Variants in EFNA5 observed in about 807,000 individuals in gnomAD.
EFNA5 encodes ephrin-A5.
Under a neutral mutation model 22.9 loss-of-function variants are expected in EFNA5, and 5 were observed. That is an observed-to-expected ratio of 0.22 (90% CI 0.11 to 0.46). The LOEUF (loss-of-function observed/expected upper bound fraction) is 0.46, where lower values mean the gene tolerates loss of function less well. Ranked by LOEUF, EFNA5 falls within the 20% of genes least tolerant of loss-of-function variation. The pLI is 0.99. For synonymous variants in EFNA5, 113 were observed against 112.2 expected (o/e 1.01, Z -0.04); for missense variants, 237 against 293.3 (o/e 0.81, Z 1.40).
At chr5:107,392,309 G>C (rs777090789) in intron 2 of EFNA5, among the ~76,000 whole-genome samples, 21 of 152,258 alleles carry the variant, frequency 1.4e-4, no homozygotes, top group South Asian at 6.2e-4. Context: ...ATGTCATTCT[G>C]ATTGTTACAA....
intron 1 of EFNA5, among the ~76,000 whole-genome samples, chr5:107,612,110 C>A (rs1749828489): frequency 6.6e-6 from 1 of 152,050 alleles, no homozygotes; most frequent in Admixed American, 6.6e-5. Context: ...TAAATTCTAC[C>A]ATGTCTCAAA....
chr5:107,451,085 T>C (rs567732025), intron 1 of EFNA5, among the ~76,000 whole-genome samples: 2 of 152,350 alleles, frequency 1.3e-5, no homozygotes, highest in Admixed American at 6.5e-5. Flanking sequence ...AAATATAGTT[T>C]ATTAGACTAT....
At chr5:107,606,196 T>C (rs1194060566) in intron 1 of EFNA5, among the ~76,000 whole-genome samples, 2 of 152,206 alleles carry the variant, frequency 1.3e-5, no homozygotes, top group Non-Finnish European at 2.9e-5. Flanking sequence ...CACTTTTTAC[T>C]TGACTTTTTT....
chr5:107,429,116 C>T (rs937773253), intron 1 of EFNA5, among the ~76,000 whole-genome samples: 2 of 152,076 alleles, frequency 1.3e-5, no homozygotes, highest in Non-Finnish European at 2.9e-5. Flanking sequence ...CGACCTCTGA[C>T]AGTTTGTGAC....
intron 1 of EFNA5, among the ~76,000 whole-genome samples, chr5:107,465,692 A>T (rs145204214): frequency 6.6e-6 from 1 of 152,252 alleles, no homozygotes; most frequent in East Asian, 1.9e-4. Flanking sequence ...AATCATGGTG[A>T]CAGTCTTTGT....
At chr5:107,582,771 G>T (rs928619448) in intron 1 of EFNA5, among the ~76,000 whole-genome samples, 42 of 150,082 alleles carry the variant, frequency 2.8e-4, no homozygotes, top group Non-Finnish European at 5.0e-4. Flanking sequence ...AAAAATAAAT[G>T]ACCTCACTCT....
chr5:107,638,652 G>A (rs1163203214), intron 1 of EFNA5, among the ~76,000 whole-genome samples: 1 of 152,160 alleles, frequency 6.6e-6, no homozygotes, highest in African/African-American at 2.4e-5. Context: ...AGAAGGATGT[G>A]CATATGTTAT....
intron 1 of EFNA5, among the ~76,000 whole-genome samples, chr5:107,658,982 A>C (rs763452369): frequency 6.6e-6 from 1 of 152,166 alleles, no homozygotes; most frequent in Non-Finnish European, 1.5e-5. Context: ...ATATCTGTCA[A>C]ATAAATCTAC....
chr5:107,587,123 T>C, intron 1 of EFNA5, among the ~76,000 whole-genome samples: 1 of 152,194 alleles, frequency 6.6e-6, no homozygotes, highest in East Asian at 1.9e-4. Flanking sequence ...GTGGGTTAAT[T>C]TTCTATCTAA....
chr5:107,670,601 C>T lies in EFNA5; in HGVS notation c.13G>A (p.Glu5Lys). 8 of 1,603,636 alleles carry T rather than the reference C, an allele frequency of 5.0e-6. No individual in the cohort carries two copies. The highest frequency in any genetic ancestry group is 6.8e-6 in the Non-Finnish European group (8 of 1,175,642). MLHV[E>K]MLTLVFLVLW... ...ACCAGAAACACCAGCGTCAACATCT[C>T]CACGTGCAACATCACGCCTGGCCAG... is the stretch of plus-strand genomic sequence containing the variant. Residue 5 changes from glutamate to lysine, a missense_variant, in exon 1 of 5, where the codon GAG becomes AAG. By Grantham distance (56) the Glu-to-Lys change is moderately conservative. This residue lies in a region of EFNA5 where 120 missense variants were observed against 140.5 expected (regional missense o/e 0.85). Coordinates refer to ENST00000333274, the MANE Select transcript of EFNA5 (RefSeq NM_001962.3).
Position 107,572,063 on chromosome 5 carries a change from A to G in EFNA5, c.125+98426T>C, listed in dbSNP as rs79556875. On this transcript the variant is annotated intron_variant, in intron 1 of 4. Transcript: ENST00000333274. ...ATACAGGTGTGGGCCGGGACCTTAGAGGGCAAAATAAAATGCTTCTGGAGT... is the reference window on the plus strand; with the variant it reads ...ATACAGGTGTGGGCCGGGACCTTAGGGGGCAAAATAAAATGCTTCTGGAGT... Among the ~76,000 whole-genome samples, 11 of 152,272 alleles carry G rather than the reference A, an allele frequency of 7.2e-5. No individual in the cohort carries two copies. The East Asian group carries it at 1.9e-3, about 27-fold the overall frequency.
At chr5:107,500,546 G>A (rs1396686656) in intron 1 of EFNA5, among the ~76,000 whole-genome samples, 1 of 152,150 alleles carries the variant, frequency 6.6e-6, no homozygotes, top group African/African-American at 2.4e-5. Context: ...GAGCAGGCAA[G>A]GCTTTCCATT....
At chr5:107,430,800 T>G (rs1360314898) in intron 1 of EFNA5, among the ~76,000 whole-genome samples, 1 of 143,312 alleles carries the variant, frequency 7.0e-6, no homozygotes, top group Non-Finnish European at 1.5e-5. Context: ...TTTTTTGAGA[T>G]GGAGTTTCAC....
intron 1 of EFNA5, among the ~76,000 whole-genome samples, chr5:107,521,126 G>A (rs116250886): frequency 0.021 from 3,251 of 152,124 alleles, 56 homozygotes; most frequent in Middle Eastern, 0.044. Context: ...GAAAATTATT[G>A]TATGTAGAAA....
intron 1 of EFNA5, among the ~76,000 whole-genome samples, chr5:107,603,476 G>A (rs1377378473): frequency 5.9e-5 from 9 of 152,140 alleles, no homozygotes; most frequent in African/African-American, 1.2e-4. Flanking sequence ...GGAGAACAGC[G>A]TTCTCATTCT....
chr5:107,378,304 C>T lies in EFNA5; in HGVS notation c.*2951G>A, dbSNP rs914703452. On this transcript the variant is annotated 3_prime_UTR_variant, in exon 5 of 5. Coordinates refer to ENST00000333274, the MANE Select transcript of EFNA5 (RefSeq NM_001962.3). ...GTTACCTGGTCTATTAAAGGATACACGGTATCCACTAAACAGACAGATCCT... is the reference window on the plus strand; with the variant it reads ...GTTACCTGGTCTATTAAAGGATACATGGTATCCACTAAACAGACAGATCCT... The T allele has an allele frequency of 6.6e-5, 10 of 151,632 alleles. No homozygotes were observed. The highest frequency in any genetic ancestry group is 2.4e-4 in the African/African-American group (10 of 41,222). The allele number at this position is 151,632 out of a possible 1,614,324, so 9.4% of individuals were successfully genotyped here. A position where few individuals can be genotyped will look rare whatever the true frequency, so the allele number is the denominator to read the frequency against.
intron 1 of EFNA5, among the ~76,000 whole-genome samples, chr5:107,623,746 A>C (rs1293633244): frequency 6.6e-6 from 1 of 152,066 alleles, no homozygotes; most frequent in Admixed American, 6.6e-5. Context: ...CAATACTATA[A>C]ATCACAAAGG....
chr5:107,452,807 C>T (rs1308285962), intron 1 of EFNA5, among the ~76,000 whole-genome samples: 6 of 152,132 alleles, frequency 3.9e-5, no homozygotes, highest in South Asian at 4.1e-4. Flanking sequence ...TCATTTTCTA[C>T]TTGAGCTTCT....
chr5:107,650,187 G>A (rs1475451967), intron 1 of EFNA5, among the ~76,000 whole-genome samples: 1 of 152,170 alleles, frequency 6.6e-6, no homozygotes, highest in Non-Finnish European at 1.5e-5. Context: ...GGTACAAACA[G>A]CTATGCTAAG....
Sources: gnomAD v4.1 joint callset for allele counts (sites outside exome capture counted in the v4.1 genomes callset) on GRCh38, gnomAD v4.1.1 for gene constraint, gnomAD v4.1.1 regional missense constraint, MANE v1.5 for transcripts, NCBI Gene and HGNC (gene_info 2026-07-23, HGNC 2026-07-21) for gene names.